The following CSMD3 variants were observed in gnomAD, a reference collection of about 807,000 sequenced individuals.
CSMD3 encodes the protein CUB and Sushi multiple domains 3, also known as CUB and sushi domain-containing protein 3.
Under a neutral mutation model 435.2 loss-of-function variants are expected in CSMD3, and 177 were observed. The observed-to-expected ratio is 0.41, with a 90% CI of 0.36 to 0.46. CSMD3 has a LOEUF of 0.46. Ranked by LOEUF, CSMD3 falls within the 20% of genes least tolerant of loss-of-function variation. CSMD3 has a pLI of 0.34. For missense variants in CSMD3, 4,265 were observed against 4,504.6 expected (o/e 0.95, Z 1.52); for synonymous variants, 1,656 against 1,520.5 (o/e 1.09, Z -2.07).
chr8:112,648,510 T>C (rs1191757869), intron 19 of CSMD3, among the ~76,000 whole-genome samples: 1 of 152,120 alleles, frequency 6.6e-6, no homozygotes, highest in Non-Finnish European at 1.5e-5. Flanking sequence ...TTAAGGACAT[T>C]GAATTCCATG....
chr8:112,244,288 A>T (rs1431857748), intron 65 of CSMD3, 106 bp downstream of exon 65: 2 of 951,518 alleles, frequency 2.1e-6, no homozygotes, highest in Non-Finnish European at 3.4e-6. Context: ...GTTAGCCAAC[A>T]AATTTCCCTT....
chr8:113,089,759 T>C (rs1463040591), intron 5 of CSMD3, among the ~76,000 whole-genome samples: 1 of 152,140 alleles, frequency 6.6e-6, no homozygotes, highest in Non-Finnish European at 1.5e-5. Flanking sequence ...TATTGGACTT[T>C]GCAGCTCCTC....
chr8:112,701,691 G>A (rs754107582), intron 13 of CSMD3, among the ~76,000 whole-genome samples: 7 of 152,136 alleles, frequency 4.6e-5, no homozygotes, highest in South Asian at 4.1e-4. Flanking sequence ...AGATCTCTTC[G>A]ACTTCCTTAC....
At chr8:113,414,800 A>G (rs2094574866) in intron 1 of CSMD3, among the ~76,000 whole-genome samples, 1 of 152,044 alleles carries the variant, frequency 6.6e-6, no homozygotes, top group African/African-American at 2.4e-5. Context: ...TTCTCTACAA[A>G]TAATACAAAA....
At chr8:112,271,136 C>T (rs1379669964) in intron 59 of CSMD3, among the ~76,000 whole-genome samples, 1 of 152,084 alleles carries the variant, frequency 6.6e-6, no homozygotes, top group Non-Finnish European at 1.5e-5. Context: ...TGCTTTGACT[C>T]ATCACATTAA....
intron 10 of CSMD3, among the ~76,000 whole-genome samples, chr8:112,897,688 CTCTCTCTGTGTGTGTGTG>C (rs1316775948): frequency 2.2e-5 from 2 of 89,984 alleles, no homozygotes; most frequent in African/African-American, 8.1e-5. Context: ...CTCTCTCTCT[CTCTCTCTGTGTGTGTGTG>C]TGTGTGTGTG....
At chr8:113,057,844 T>C (rs1225713143) in intron 5 of CSMD3, among the ~76,000 whole-genome samples, 1 of 151,876 alleles carries the variant, frequency 6.6e-6, no homozygotes, top group African/African-American at 2.4e-5. Flanking sequence ...AATAGATATG[T>C]AGGATATGAA....
At chr8:113,115,842 T>C (rs1449234571) in intron 4 of CSMD3, among the ~76,000 whole-genome samples, 1 of 152,184 alleles carries the variant, frequency 6.6e-6, no homozygotes, top group African/African-American at 2.4e-5. Context: ...GGCAATTGCT[T>C]AGGACAGGGG....
chr8:112,459,123 G>A (rs949758199), intron 32 of CSMD3, among the ~76,000 whole-genome samples: 3 of 151,868 alleles, frequency 2.0e-5, no homozygotes, highest in Non-Finnish European at 2.9e-5. Flanking sequence ...AATGTCCAAC[G>A]GGTTTTGTTA....
chr8:112,927,857 A>G (rs1419846992), intron 9 of CSMD3, among the ~76,000 whole-genome samples: 3 of 151,990 alleles, frequency 2.0e-5, no homozygotes, highest in Admixed American at 6.6e-5. Context: ...ATTTCTTTAC[A>G]CTGTTGGTTA....
chr8:112,418,265 A>G (rs934626631), intron 32 of CSMD3, among the ~76,000 whole-genome samples: 23 of 152,084 alleles, frequency 1.5e-4, no homozygotes, highest in Admixed American at 1.1e-3. Flanking sequence ...CTTTTTTATT[A>G]TTATTATACT....
At chr8:112,323,449 G>A (rs1823197036) in intron 45 of CSMD3, among the ~76,000 whole-genome samples, 1 of 151,978 alleles carries the variant, frequency 6.6e-6, no homozygotes, top group African/African-American at 2.4e-5. Context: ...TTGAAATAGG[G>A]TTGTTGCAGA....
Position 113,261,563 on chromosome 8 carries a change from G to C in CSMD3, c.514+17029C>G, listed in dbSNP as rs185351107. ...TTGCAACTGGAAGAGCTTTGCGTGTGTGGGTGCATGTGTGATAAGTGTCAC... is the reference window on the plus strand; with the variant it reads ...TTGCAACTGGAAGAGCTTTGCGTGTCTGGGTGCATGTGTGATAAGTGTCAC... On this transcript the variant is annotated intron_variant, in intron 3 of 70. Coordinates refer to ENST00000297405, the MANE Select transcript of CSMD3 (RefSeq NM_198123.2). Among the ~76,000 whole-genome samples the C allele has an allele frequency of 1.7e-3, 265 of 152,182 alleles. 1 individual carries two copies. The highest frequency in any genetic ancestry group is 2.0e-3 in the Non-Finnish European group (136 of 67,972).
At chr8:112,953,051 T>C (rs1216876270) in intron 8 of CSMD3, among the ~76,000 whole-genome samples, 1 of 151,420 alleles carries the variant, frequency 6.6e-6, no homozygotes, top group Non-Finnish European at 1.5e-5. Flanking sequence ...ACAAATAGCC[T>C]GAATTTCCCT....
At chr8:113,108,426 C>A (rs1270573617) in intron 4 of CSMD3, among the ~76,000 whole-genome samples, 164 of 129,698 alleles carry the variant, frequency 1.3e-3, no homozygotes, top group African/African-American at 1.6e-3. Flanking sequence ...GACGCCATCT[C>A]AAAAAAAAAA....
At chr8:112,549,484 G>C (rs1827484133) in intron 27 of CSMD3, among the ~76,000 whole-genome samples, 1 of 151,992 alleles carries the variant, frequency 6.6e-6, no homozygotes, top group Non-Finnish European at 1.5e-5. Context: ...TGTGTTAGTA[G>C]GGAGAATAAT....
chr8:112,973,070 G>A (rs2084716383), intron 7 of CSMD3, among the ~76,000 whole-genome samples: 1 of 151,898 alleles, frequency 6.6e-6, no homozygotes, highest in Admixed American at 6.6e-5. Context: ...GATTGTGAGA[G>A]TTACATGCGA....
At chr8:112,422,144 C>T (rs1812586364) in intron 32 of CSMD3, among the ~76,000 whole-genome samples, 1 of 151,900 alleles carries the variant, frequency 6.6e-6, no homozygotes. Context: ...TAAGGTCAAA[C>T]ACAACAATTA....
At chr8:113,263,387 T>A (rs1444787286) in intron 3 of CSMD3, among the ~76,000 whole-genome samples, 2 of 152,018 alleles carry the variant, frequency 1.3e-5, no homozygotes, top group Admixed American at 6.6e-5. Context: ...TTCTGAATAA[T>A]TCTAAAGTCC....
Sources: gnomAD v4.1 joint callset for allele counts (sites outside exome capture counted in the v4.1 genomes callset) on GRCh38, gnomAD v4.1.1 for gene constraint, MANE v1.5 for transcripts, NCBI Gene and HGNC (gene_info 2026-07-23, HGNC 2026-07-21) for gene names.